The following ZFP28 variants were observed in gnomAD, a reference collection of about 807,000 sequenced individuals.
ZFP28 encodes zinc finger protein 28 homolog.
Under a neutral mutation model 39.5 loss-of-function variants are expected in ZFP28, and 31 were observed. The ratio of observed to expected loss-of-function variants is 0.79; its 90% CI spans 0.59 to 1.06. ZFP28 has a LOEUF of 1.06. Ranked by LOEUF, ZFP28 falls within the 50% of genes least tolerant of loss-of-function variation. The probability of loss-of-function intolerance (pLI) is 0.00; values close to 1 mark genes in which losing one functional copy is unlikely to be tolerated. For missense variants in ZFP28, 925 were observed against 1,048.4 expected (o/e 0.88, Z 1.63); for synonymous variants, 400 against 378.6 (o/e 1.06, Z -0.66).
chr19:56,549,223 C>A, intron 5 of ZFP28, 102 bp downstream of exon 5: 2 of 1,336,832 alleles, frequency 1.5e-6, no homozygotes, highest in Non-Finnish European at 1.0e-6. Context: ...GAGAAGTTTT[C>A]ATTTGAATAC....
At chr19:56,551,504 A>C in intron 7 of ZFP28, 2 of 984,804 alleles carry the variant, frequency 2.0e-6, no homozygotes, top group South Asian at 4.7e-5. Context: ...TACATTTCTT[A>C]GTATTAAAGA....
rs1367893713 is a variant in ZFP28 at position 56,547,050 on chromosome 19, C to T, written c.301-458C>T. 1 of 168,288 alleles carries T rather than the reference C, an allele frequency of 5.9e-6. No individual in the cohort carries two copies. The highest frequency in any genetic ancestry group is 2.4e-5 in the African/African-American group (1 of 41,516). The allele number at this position is 168,288 out of a possible 1,614,324, so 10.4% of individuals were successfully genotyped here. A position where few individuals can be genotyped will look rare whatever the true frequency, so the allele number is the denominator to read the frequency against. On this transcript the variant is annotated intron_variant, in intron 2 of 7. Transcript: ENST00000301318. This position sits in a 1 kb window ranked among gnomAD's most constrained non-coding sequence, Gnocchi z 4.6. ...ATGAAGACAAGGAATCTTTAGATCC[C>T]TATATTAGTTTGTTAGGGCTGCCAG...
chr19:56,554,511 C>G lies in ZFP28; in HGVS notation c.1726C>G (p.Leu576Val). 1 of 1,614,198 alleles carries G rather than the reference C, an allele frequency of 6.2e-7. No individual in the cohort carries two copies. The highest frequency in any genetic ancestry group is 8.5e-7 in the Non-Finnish European group (1 of 1,180,040). ...AAAAGCCTTCAGCCATCATGCATCACTCACTCAACATCAAAGAGTACATTC... is the reference window on the plus strand; with the variant it reads ...AAAAGCCTTCAGCCATCATGCATCAGTCACTCAACATCAAAGAGTACATTC... ...CRKAFSHHAS[L>V]TQHQRVHSGE... The change falls in exon 8 of 8, where the codon CTC becomes GTC. Residue 576 changes from leucine (L) to valine (V), a missense_variant. Leu to Val is a conservative substitution (Grantham distance 32). Around this residue, in one of 2 missense-constraint regions of ZFP28, gnomAD observed 369 missense variants for 505.5 expected, o/e 0.73. Coordinates refer to ENST00000301318, the MANE Select transcript of ZFP28 (RefSeq NM_020828.2). The surrounding 1 kb of genome is among the most constrained non-coding windows in gnomAD (Gnocchi z 6.7).
intron 5 of ZFP28, among the ~76,000 whole-genome samples, chr19:56,549,582 C>T (rs1351297825): frequency 6.6e-6 from 1 of 151,868 alleles, no homozygotes; most frequent in Non-Finnish European, 1.5e-5. Flanking sequence ...GAGGCTGAGG[C>T]AGGAGAATGG....
intron 7 of ZFP28, chr19:56,551,722 A>C (rs1224131462): frequency 2.0e-6 from 2 of 983,732 alleles, no homozygotes; most frequent in African/African-American, 3.5e-5. Context: ...AAGATTATAC[A>C]CTAAAATTAT....
At chr19:56,552,774 T>A (rs2044316353) in intron 7 of ZFP28, 1 of 152,218 alleles carries the variant, frequency 6.6e-6, no homozygotes, top group African/African-American at 2.4e-5. Context: ...ATATAATACA[T>A]TTGTTTGACC....
rs750910176 is a variant in ZFP28, at chr19:56,555,125, T to C, written c.2340T>C (p.Ser780=). 1 of 1,614,192 alleles carries C rather than the reference T, an allele frequency of 6.2e-7. No individual in the cohort carries two copies. The highest frequency in any genetic ancestry group is 8.5e-7 in the Non-Finnish European group (1 of 1,180,026). ...TTAGTGTACATCAGAGAATCCATTC[T>C]GGAAAGAAACCATATGAATGTAAGG... ...QSLSVHQRIH[S]GKKPYECKEC... is the part of the protein sequence containing the mutation. Residue 780 remains serine (S), a synonymous_variant, in exon 8 of 8, where the codon TCT becomes TCC. Transcript: ENST00000301318.
In ZFP28 at chr19:56,540,734, C is replaced by T. The variant is rs1047669990; in HGVS notation, c.300+1018C>T. Among the ~76,000 whole-genome samples, 5 of 152,184 alleles carry T rather than the reference C, an allele frequency of 3.3e-5. No individual in the cohort carries two copies. In the East Asian group the frequency reaches 7.7e-4, roughly 23 times the overall value. On this transcript the variant is annotated intron_variant, in intron 2 of 7. Coordinates refer to ENST00000301318, the MANE Select transcript of ZFP28 (RefSeq NM_020828.2). Reference sequence around the variant, plus strand: ...CTTATAGAGCTAAAGTAGCCAAAGACAATATGTAAATGAATGGATGGGCTG... The same window carrying T: ...CTTATAGAGCTAAAGTAGCCAAAGATAATATGTAAATGAATGGATGGGCTG...
In ZFP28 at chr19:56,550,060, A is replaced by G. The variant is rs1204334444; in HGVS notation, c.688-7A>G. On this transcript the variant is annotated splice_polypyrimidine_tract_variant and splice_region_variant and intron_variant, in intron 5 of 7. Transcript: ENST00000301318. ...TTGATTTAAAAAACGTGCTTTTACC[A>G]TTGCAGGGCTTGGTGACTATCAAAA... is the stretch of plus-strand genomic sequence containing the variant. 1.2e-6 allele frequency: 2 copies of G among 1,606,430 alleles called. No homozygotes were observed. Among genetic ancestry groups the G allele is most frequent in the Non-Finnish European group, 8.5e-7 (1 of 1,176,294 alleles).
At chr19:56,553,297 T>G (rs1261848093) in intron 7 of ZFP28, among the ~76,000 whole-genome samples, 3 of 152,116 alleles carry the variant, frequency 2.0e-5, no homozygotes, top group Non-Finnish European at 4.4e-5. Context: ...CATAGTTTAC[T>G]GCCACATCAA....
intron 2 of ZFP28, 116 bp downstream of exon 2, chr19:56,539,832 AT>A: frequency 1.1e-6 from 1 of 889,788 alleles, no homozygotes; most frequent in East Asian, 2.7e-5. Flanking sequence ...GCGGGTTTCT[AT>A]TTCTTCACGT....
At chr19:56,548,362 T>C (rs1280655598) in intron 4 of ZFP28, 1 of 154,022 alleles carries the variant, frequency 6.5e-6, no homozygotes, top group East Asian at 1.9e-4. Flanking sequence ...GATAGAACTG[T>C]TTTTTCTTCC....
rs1470787191 is a variant in ZFP28, at chr19:56,550,147, G to T, written c.768G>T (p.Gly256=). ...CTCAGAAGAATTTCTGTAAGAATGG[G>T]ATATGGGAGAACAACAGTGACCTGG... ...HPAQKNFCKN[G]IWENNSDLGS... Residue 256 remains glycine (G), a synonymous_variant, in exon 6 of 8, where the codon GGG becomes GGT. Coordinates refer to ENST00000301318, the MANE Select transcript of ZFP28 (RefSeq NM_020828.2). 1.2e-6 allele frequency: 2 copies of T among 1,612,826 alleles called. No individual in the cohort carries two copies. Among genetic ancestry groups the T allele is most frequent in the Non-Finnish European group, 1.7e-6 (2 of 1,179,600 alleles).
upstream of ZFP28, chr19:56,538,655 C>G (rs2044157283): frequency 6.6e-6 from 1 of 151,932 alleles, no homozygotes. Flanking sequence ...GCCGCCGCAT[C>G]CGTCCCTGCT....
intron 7 of ZFP28, chr19:56,551,699 CATT>C (rs1303998233): frequency 5.1e-6 from 5 of 984,508 alleles, no homozygotes; most frequent in East Asian, 2.3e-4. Flanking sequence ...AACTTTTGCT[CATT>C]ATTTGTTGAA....
intron 2 of ZFP28, among the ~76,000 whole-genome samples, chr19:56,541,032 C>T (rs557045102): frequency 1.3e-5 from 2 of 152,298 alleles, no homozygotes; most frequent in South Asian, 4.2e-4. Flanking sequence ...ACAACCTACC[C>T]ACATGGTGGC....
In ZFP28 at chr19:56,547,313, ACCC is replaced by A. The variant is rs1359641647; in HGVS notation, c.301-194_301-192del. 2.8e-6 allele frequency: 2 copies of A among 717,542 alleles called. No individual in the cohort carries two copies. Among genetic ancestry groups the A allele is most frequent in the Admixed American group, 5.8e-5 (2 of 34,554 alleles). The allele number at this position is 717,542 out of a possible 1,614,324, so 44.4% of individuals were successfully genotyped here. On this transcript the variant is annotated intron_variant, in intron 2 of 7. Transcript: ENST00000301318. This position sits in a 1 kb window ranked among gnomAD's most constrained non-coding sequence, Gnocchi z 4.6. ...ACCAGACAGATTGGGTTAGGGCCCC[ACCC>A]ATATGACCTCATTTAACCCTAATTA...
Position 56,554,687 on chromosome 19 carries a change from T to G in ZFP28, c.1902T>G (p.Thr634=), listed in dbSNP as rs1171052063. ...TCAGCATCAGTTCTCAGCTTGCCACTCATCAGAGAATCCATACTGGAGAGA... is the reference window on the plus strand; with the variant it reads ...TCAGCATCAGTTCTCAGCTTGCCACGCATCAGAGAATCCATACTGGAGAGA... ...KSFSISSQLA[T]HQRIHTGEKP... The change falls in exon 8 of 8, where the codon ACT becomes ACG. Residue 634 remains threonine, a synonymous_variant. Coordinates refer to ENST00000301318, the MANE Select transcript of ZFP28 (RefSeq NM_020828.2). This position sits in a 1 kb window ranked among gnomAD's most constrained non-coding sequence, Gnocchi z 6.7. 1.9e-6 allele frequency: 3 copies of G among 1,613,996 alleles called. No individual in the cohort carries two copies. The Admixed American group carries it at 5.0e-5, about 27-fold the overall frequency.
Position 56,555,060 on chromosome 19 carries a change from T to G in ZFP28, c.2275T>G (p.Cys759Gly). 6.2e-7 allele frequency: 1 copy of G among 1,614,178 alleles called. No homozygotes were observed. The stretch of plus-strand genomic sequence containing the variant: ...TCATACTGGAGAAAAACCTTATGAA[T>G]GCAGTGTGTGTGGCAAAGCCTTTAG... Reference protein sequence around the residue: ...RSHTGEKPYECSVCGKAFSHR... With the variant: ...RSHTGEKPYEGSVCGKAFSHR... Residue 759 changes from cysteine (C) to glycine (G), a missense_variant, in exon 8 of 8, where the codon TGC becomes GGC. Physicochemically the swap from Cys to Gly is radical, Grantham distance 159. Transcript: ENST00000301318.
Sources: allele counts gnomAD v4.1 joint callset (sites outside exome capture counted in the v4.1 genomes callset), GRCh38; gene constraint gnomAD v4.1.1; regional missense constraint gnomAD v4.1.1; non-coding constraint Gnocchi (gnomAD v3.1); transcripts MANE v1.5; gene names NCBI Gene and HGNC (gene_info 2026-07-23, HGNC 2026-07-21).